The following NCKAP5L variants were observed in gnomAD, a reference collection of about 807,000 sequenced individuals.
NCKAP5L encodes nck-associated protein 5-like.
Under a neutral mutation model 103.2 loss-of-function variants are expected in NCKAP5L, and 54 were observed. The observed-to-expected ratio is 0.52, with a 90% CI of 0.42 to 0.66. The LOEUF is 0.66. Among genes scored for constraint, NCKAP5L ranks in the 30% least tolerant of loss-of-function variants. NCKAP5L has a pLI of 0.00. For missense variants in NCKAP5L, 1,733 were observed against 1,750.6 expected (o/e 0.99, Z 0.18); for synonymous variants, 762 against 748.6 (o/e 1.02, Z -0.29).
At chr12:49,813,270 T>C (rs563590815) in intron 1 of NCKAP5L, among the ~76,000 whole-genome samples, 1 of 152,182 alleles carries the variant, frequency 6.6e-6, no homozygotes, top group Admixed American at 6.5e-5. Flanking sequence ...CCACCAGCAG[T>C]GTATGAGGGT....
At chr12:49,827,289 G>C (rs1238543806) in intron 1 of NCKAP5L, among the ~76,000 whole-genome samples, 1 of 152,188 alleles carries the variant, frequency 6.6e-6, no homozygotes, top group Non-Finnish European at 1.5e-5. Context: ...GCGGAGAAGT[G>C]GGAGGGAGGG....
At chr12:49,822,554 T>A (rs555672019) in intron 1 of NCKAP5L, among the ~76,000 whole-genome samples, 1 of 151,682 alleles carries the variant, frequency 6.6e-6, no homozygotes, top group East Asian at 1.9e-4. Context: ...TGAGATTTTT[T>A]TTTTTTTTTT....
At chr12:49,812,994 T>C (rs770674855) in intron 1 of NCKAP5L, among the ~76,000 whole-genome samples, 18 of 152,240 alleles carry the variant, frequency 1.2e-4, no homozygotes, top group Non-Finnish European at 2.1e-4. Context: ...GTGTAAATGC[T>C]ATGTAAACAG....
At chr12:49,802,239 C>T (rs1012528527) in intron 5 of NCKAP5L, 18 of 333,122 alleles carry the variant, frequency 5.4e-5, no homozygotes, top group Admixed American at 2.8e-4. Context: ...CTAGAATCGA[C>T]CCCCCGCCTC....
chr12:49,827,714 CA>C (rs1946434456), intron 1 of NCKAP5L, among the ~76,000 whole-genome samples: 1 of 152,216 alleles, frequency 6.6e-6, no homozygotes, highest in Non-Finnish European at 1.5e-5. Context: ...TGCAGCCCAC[CA>C]GGTCCTTCCT....
intron 1 of NCKAP5L, among the ~76,000 whole-genome samples, chr12:49,810,407 T>C (rs1377786404): frequency 6.6e-6 from 1 of 152,196 alleles, no homozygotes; most frequent in Admixed American, 6.5e-5. Context: ...TTATGTGCTG[T>C]GTGACTAGGC....
At position 49,796,655 on chromosome 12, in the gene NCKAP5L, G is replaced by A. The variant is rs201751148; in HGVS notation, c.1205C>T (p.Pro402Leu). The A allele has an allele frequency of 6.3e-7, 1 of 1,580,408 alleles. No individual in the cohort carries two copies. The highest frequency in any genetic ancestry group is 8.6e-7 in the Non-Finnish European group (1 of 1,164,956). Residue 402 changes from proline (P) to leucine (L), a missense_variant, in exon 8 of 13, where the codon CCC becomes CTC. Pro to Leu is a moderately conservative substitution (Grantham distance 98). Coordinates refer to ENST00000335999, the MANE Select transcript of NCKAP5L (RefSeq NM_001037806.4). Reference protein sequence around the residue: ...GFGATSEGQGPLPFLSMFMGA... With the variant: ...GFGATSEGQGLLPFLSMFMGA... The stretch of plus-strand genomic sequence containing the variant: ...CATGAACATGCTAAGGAAGGGGAGG[G>A]GCCCCTGGCCCTCTGAGGTAGCACC...
Position 49,796,697 on chromosome 12 carries a change from G to A in NCKAP5L, c.1163C>T (p.Ala388Val), listed in dbSNP as rs1946051998. 2 of 1,594,762 alleles carry A rather than the reference G, an allele frequency of 1.3e-6. No homozygotes were observed. Among genetic ancestry groups the A allele is most frequent in the African/African-American group, 1.3e-5 (1 of 74,234 alleles). The change falls in exon 8 of 13, where the codon GCC becomes GTC. Residue 388 changes from alanine to valine, a missense_variant. By Grantham distance (64) the Ala-to-Val change is moderately conservative. Coordinates refer to ENST00000335999, the MANE Select transcript of NCKAP5L (RefSeq NM_001037806.4). ...GGTAGCACCGAAGCCTGGCCTGTGG[G>A]CCTCTGGGGTACCCCCACCCCAAGC... The part of the protein sequence containing the change: ...KSAWGGGTPE[A>V]HRPGFGATSE...
chr12:49,792,912 TC>T lies in NCKAP5L; in HGVS notation c.3414del (p.Thr1139ProfsTer45). 1 of 1,544,932 alleles carries T rather than the reference TC, an allele frequency of 6.5e-7. No homozygotes were observed. The highest frequency in any genetic ancestry group is 1.4e-5 in the African/African-American group (1 of 72,892). ...GTCTTAGGAAGATTCTTGCTGGGGG[TC>T]CCACTGCTACCATGGTCTGGGGGTG... ...TFPPPDHGSS[G>X]TPSKNLPKTK... On this transcript the variant is annotated frameshift_variant, in exon 11 of 13. Coordinates refer to ENST00000335999, the MANE Select transcript of NCKAP5L (RefSeq NM_001037806.4). LOFTEE classifies it high-confidence loss of function. This position sits in a 1 kb window ranked among gnomAD's most constrained non-coding sequence, Gnocchi z 4.5.
chr12:49,813,404 C>T (rs1017754511), intron 1 of NCKAP5L, among the ~76,000 whole-genome samples: 1 of 152,308 alleles, frequency 6.6e-6, no homozygotes, highest in Admixed American at 6.5e-5. Context: ...TGATGTTAAA[C>T]ATCTTTGCAT....
At chr12:49,813,652 C>T (rs1026410672) in intron 1 of NCKAP5L, among the ~76,000 whole-genome samples, 1 of 152,088 alleles carries the variant, frequency 6.6e-6, no homozygotes, top group Non-Finnish European at 1.5e-5. Flanking sequence ...CTCAGCCGTC[C>T]GAGTACCTGG....
rs1234612581 is a variant in NCKAP5L, at chr12:49,821,634, CTT to C, written c.-99+6686_-99+6687del. ...GGGGCAGGTCCTTGGAGCACTTGCT[CTT>C]ATAGCACATGTCCTTTCTTTGCAAC... On this transcript the variant is annotated intron_variant, in intron 1 of 12. Coordinates refer to ENST00000335999, the MANE Select transcript of NCKAP5L (RefSeq NM_001037806.4). Among the ~76,000 whole-genome samples the C allele has an allele frequency of 2.6e-5, 4 of 152,254 alleles. No homozygotes were observed. In the East Asian group the frequency reaches 5.8e-4, roughly 22 times the overall value.
Position 49,792,699 on chromosome 12 carries a change from C to T in NCKAP5L, c.3628G>A (p.Gly1210Ser). The T allele has an allele frequency of 6.2e-7, 1 of 1,611,930 alleles. No individual in the cohort carries two copies. Among genetic ancestry groups the T allele is most frequent in the East Asian group, 2.2e-5 (1 of 44,776 alleles). ...TCACCATCAGGACAGGTCTCATGGC[C>T]CCGGTGGCCCGGAGCAGCGGGTAGC... ...ALLPAAPGHR[G>S]HETCPDDPCE... The change falls in exon 11 of 13, where the codon GGC becomes AGC. Residue 1210 changes from glycine to serine, a missense_variant. By Grantham distance (56) the Gly-to-Ser change is moderately conservative. Coordinates refer to ENST00000335999, the MANE Select transcript of NCKAP5L (RefSeq NM_001037806.4). This position sits in a 1 kb window ranked among gnomAD's most constrained non-coding sequence, Gnocchi z 4.5.
chr12:49,823,801 A>G (rs143350346), intron 1 of NCKAP5L, among the ~76,000 whole-genome samples: 1 of 152,294 alleles, frequency 6.6e-6, no homozygotes, highest in Non-Finnish European at 1.5e-5. Context: ...CACCTTAATA[A>G]CAGCCTGGCC....
At chr12:49,824,042 A>C in intron 1 of NCKAP5L, among the ~76,000 whole-genome samples, 1 of 152,208 alleles carries the variant, frequency 6.6e-6, no homozygotes, top group South Asian at 2.1e-4. Flanking sequence ...TGCTGAAGAC[A>C]GGGGTACTCG....
At chr12:49,802,849 C>G in intron 5 of NCKAP5L, 109 bp downstream of exon 5, 6 of 1,321,976 alleles carry the variant, frequency 4.5e-6, no homozygotes, top group Non-Finnish European at 6.2e-6. Flanking sequence ...GGCGGAAAGA[C>G]GGGGAATCAC....
chr12:49,810,412 C>CT (rs1312526016), intron 1 of NCKAP5L, among the ~76,000 whole-genome samples: 2 of 152,160 alleles, frequency 1.3e-5, no homozygotes, highest in Non-Finnish European at 2.9e-5. Flanking sequence ...TGCTGTGTGA[C>CT]TAGGCAAATC....
At position 49,803,818 on chromosome 12, in the gene NCKAP5L, G is replaced by A; in HGVS notation, c.123+104C>T. On this transcript the variant is annotated intron_variant, in intron 3 of 12. Coordinates refer to ENST00000335999, the MANE Select transcript of NCKAP5L (RefSeq NM_001037806.4). Reference sequence around the variant, plus strand: ...CCTGGCAAAGCAGGCCGAGAGGAAGGCCCATGGCACCCAAAAACCTGCAGG... The same window carrying A: ...CCTGGCAAAGCAGGCCGAGAGGAAGACCCATGGCACCCAAAAACCTGCAGG... 1.4e-6 allele frequency: 2 copies of A among 1,437,032 alleles called. 1 individual carries two copies. The highest frequency in any genetic ancestry group is 2.7e-5 in the South Asian group (2 of 73,946). The allele number at this position is 1,437,032 out of a possible 1,614,324, so 89.0% of individuals were successfully genotyped here. A position where few individuals can be genotyped will look rare whatever the true frequency, so the allele number is the denominator to read the frequency against.
intron 1 of NCKAP5L, among the ~76,000 whole-genome samples, chr12:49,810,438 G>A (rs1313587932): frequency 1.3e-5 from 2 of 152,208 alleles, no homozygotes; most frequent in Non-Finnish European, 2.9e-5. Flanking sequence ...GTCTCCCCGA[G>A]ATGAGTTTCT....
Sources: allele counts gnomAD v4.1 joint callset (sites outside exome capture counted in the v4.1 genomes callset), GRCh38; gene constraint gnomAD v4.1.1; non-coding constraint Gnocchi (gnomAD v3.1); transcripts MANE v1.5; gene names NCBI Gene and HGNC (gene_info 2026-07-23, HGNC 2026-07-21).